The following ALKBH1 variants were observed in gnomAD, a reference collection of about 807,000 sequenced individuals.
ALKBH1 encodes the protein alkB homolog 1, histone H2A dioxygenase.
In ALKBH1, 31 loss-of-function variants were observed where a neutral mutation model predicts 36.6. The ratio of observed to expected loss-of-function variants is 0.85; its 90% CI spans 0.64 to 1.14. ALKBH1 has a LOEUF of 1.14. Ranked by LOEUF, ALKBH1 falls within the 50% of genes most tolerant of loss-of-function variation. The probability of loss-of-function intolerance (pLI) is 0.00; values close to 1 mark genes in which losing one functional copy is unlikely to be tolerated. For synonymous variants in ALKBH1, 183 were observed against 186.6 expected (o/e 0.98, Z 0.16); for missense variants, 490 against 497.3 (o/e 0.99, Z 0.14).
intron 3 of ALKBH1, among the ~76,000 whole-genome samples, chr14:77,691,002 T>G (rs976973626): frequency 6.6e-6 from 1 of 152,188 alleles, no homozygotes; most frequent in Non-Finnish European, 1.5e-5. Flanking sequence ...GGTTTCACCA[T>G]GTTGGTCAGG....
intron 5 of ALKBH1, 128 bp from the exon 6 acceptor site, chr14:77,674,369 C>T: frequency 9.0e-7 from 1 of 1,111,550 alleles, no homozygotes; most frequent in Non-Finnish European, 1.2e-6. Flanking sequence ...GCTCCCAAAT[C>T]CTCCTTTTTA....
chr14:77,678,009 C>T (rs1334775507), intron 4 of ALKBH1, among the ~76,000 whole-genome samples: 1 of 149,242 alleles, frequency 6.7e-6, no homozygotes, highest in Non-Finnish European at 1.5e-5. Flanking sequence ...GTCATTTTTA[C>T]TCCCTATTTT....
Position 77,687,528 on chromosome 14 carries a change from T to C in ALKBH1, c.455+7210A>G, listed in dbSNP as rs1400689732. Among the ~76,000 whole-genome samples, 3 of 152,054 alleles carry C rather than the reference T, an allele frequency of 2.0e-5. No homozygotes were observed. The East Asian group carries it at 5.8e-4, about 29-fold the overall frequency. On this transcript the variant is annotated intron_variant, in intron 3 of 5. Coordinates refer to ENST00000216489, the MANE Select transcript of ALKBH1 (RefSeq NM_006020.3). Reference sequence around the variant, plus strand: ...TCTTTCCTTCCCTTTATAATTAAACTTTTAAAAAATTCAGCATTTGCCTTC... The same window carrying C: ...TCTTTCCTTCCCTTTATAATTAAACCTTTAAAAAATTCAGCATTTGCCTTC...
chr14:77,679,739 A>AT (rs1049301762), intron 4 of ALKBH1, 141 bp downstream of exon 4: 4 of 665,398 alleles, frequency 6.0e-6, no homozygotes, highest in Middle Eastern at 3.8e-4. Context: ...CCCAGTTGAG[A>AT]TTTTTTAAGG....
chr14:77,693,840 G>A (rs2080311934), intron 3 of ALKBH1, among the ~76,000 whole-genome samples: 1 of 151,888 alleles, frequency 6.6e-6, no homozygotes, highest in Non-Finnish European at 1.5e-5. Context: ...TACAAAAATT[G>A]GTGGGGCGTG....
intron 4 of ALKBH1, among the ~76,000 whole-genome samples, chr14:77,678,662 CT>C (rs1168462465): frequency 6.6e-6 from 1 of 151,566 alleles, no homozygotes; most frequent in Non-Finnish European, 1.5e-5. Context: ...TGGCAAATGT[CT>C]AATTGAGACA....
At chr14:77,684,265 A>G (rs990384775) in intron 3 of ALKBH1, among the ~76,000 whole-genome samples, 11 of 152,250 alleles carry the variant, frequency 7.2e-5, no homozygotes, top group African/African-American at 2.7e-4. Flanking sequence ...CTGCTGGTCC[A>G]GGAATTACAC....
chr14:77,689,262 C>T (rs8015645), intron 3 of ALKBH1, among the ~76,000 whole-genome samples: 71,403 of 151,964 alleles, frequency 0.47, 17,016 homozygotes, highest in African/African-American at 0.5. Flanking sequence ...TATCGTGCCC[C>T]CAAAGCACCT....
At position 77,694,753 on chromosome 14, in the gene ALKBH1, C is replaced by G; in HGVS notation, c.440G>C (p.Ser147Thr). Residue 147 changes from serine to threonine, a missense_variant, in exon 3 of 6, where the codon AGC (serine) becomes ACC (threonine). Physicochemically the swap from Ser to Thr is moderately conservative, Grantham distance 58. Coordinates refer to ENST00000216489, the MANE Select transcript of ALKBH1 (RefSeq NM_006020.3). ...KEETQDLWEQSKEFLRYKEAT... is the reference protein window; with the variant it reads ...KEETQDLWEQTKEFLRYKEAT... Reference sequence around the variant, plus strand: ...CAAGACTTACCTCAGGAACTCTTTGCTCTGTTCCCACAGATCTTGGGTCTC... The same window carrying G: ...CAAGACTTACCTCAGGAACTCTTTGGTCTGTTCCCACAGATCTTGGGTCTC... 1.3e-6 allele frequency: 2 copies of G among 1,594,838 alleles called. No individual in the cohort carries two copies. The highest frequency in any genetic ancestry group is 1.7e-6 in the Non-Finnish European group (2 of 1,172,358).
intron 4 of ALKBH1, among the ~76,000 whole-genome samples, chr14:77,677,567 A>G (rs1209374700): frequency 6.6e-6 from 1 of 152,146 alleles, no homozygotes; most frequent in African/African-American, 2.4e-5. Flanking sequence ...TATCTCTACT[A>G]GCGTCTGAAT....
intron 1 of ALKBH1, among the ~76,000 whole-genome samples, chr14:77,706,104 C>CATATATATAT (rs72210300): frequency 2.0e-5 from 3 of 147,526 alleles, no homozygotes; most frequent in South Asian, 2.1e-4. Context: ...TATACACACA[C>CATATATATAT]ACATATATAT....
intron 4 of ALKBH1, 144 bp from the exon 5 acceptor site, chr14:77,675,993 C>CT (rs2080203487): frequency 2.9e-6 from 2 of 685,078 alleles, no homozygotes; most frequent in Non-Finnish European, 4.6e-6. Flanking sequence ...CCATTCTTTT[C>CT]TTTTCTTTTT....
chr14:77,689,270 C>T (rs1163984954), intron 3 of ALKBH1, among the ~76,000 whole-genome samples: 1 of 152,176 alleles, frequency 6.6e-6, no homozygotes, highest in East Asian at 1.9e-4. Flanking sequence ...CCCCAAAGCA[C>T]CTTGCAACTT....
At chr14:77,675,555 CT>C (rs1310940084) in intron 5 of ALKBH1, 100 bp downstream of exon 5, 7 of 1,102,908 alleles carry the variant, frequency 6.3e-6, no homozygotes, top group East Asian at 2.6e-5. Flanking sequence ...AGTCCAACCA[CT>C]TTTTTAAAGT....
At chr14:77,683,416 C>T in intron 3 of ALKBH1, 1 of 775,594 alleles carries the variant, frequency 1.3e-6, no homozygotes, top group African/African-American at 1.7e-5. Flanking sequence ...CACATTAATT[C>T]TCTTGGCAAG....
chr14:77,694,269 T>C (rs1291559142), intron 3 of ALKBH1, among the ~76,000 whole-genome samples: 1 of 152,200 alleles, frequency 6.6e-6, no homozygotes, highest in African/African-American at 2.4e-5. Flanking sequence ...AATGAATGAA[T>C]GAATGTTGAA....
chr14:77,687,378 G>T (rs1001147660), intron 3 of ALKBH1, among the ~76,000 whole-genome samples: 2 of 152,116 alleles, frequency 1.3e-5, no homozygotes, highest in African/African-American at 4.8e-5. Context: ...TTCTGAACTT[G>T]TTTTTTCCTC....
rs775236107 is a variant in ALKBH1 at position 77,674,071 on chromosome 14, C to A, written c.911G>T (p.Cys304Phe). The A allele has an allele frequency of 6.2e-6, 10 of 1,613,972 alleles. No homozygotes were observed. The highest frequency in any genetic ancestry group is 3.3e-5 in the Admixed American group (2 of 59,998). Residue 304 changes from cysteine (C) to phenylalanine (F), a missense_variant, in exon 6 of 6, where the codon TGC (cysteine) becomes TTC (phenylalanine). By Grantham distance (205) the Cys-to-Phe change is radical. Coordinates refer to ENST00000216489, the MANE Select transcript of ALKBH1 (RefSeq NM_006020.3). ...GACAGCAGGGAGAGGTGCCTCTAGG[C>A]AGTGAGGCAGGCCTTCCCCTTCTGG... is the stretch of plus-strand genomic sequence containing the variant. ...PNPEGEGLPH[C>F]LEAPLPAVLP...
intron 2 of ALKBH1, among the ~76,000 whole-genome samples, chr14:77,703,839 C>G (rs2080373629): frequency 6.6e-6 from 1 of 152,070 alleles, no homozygotes; most frequent in African/African-American, 2.4e-5. Context: ...CTCAGGTGAT[C>G]CACCCACCTT....
Sources: allele counts gnomAD v4.1 joint callset (sites outside exome capture counted in the v4.1 genomes callset), GRCh38; gene constraint gnomAD v4.1.1; transcripts MANE v1.5; gene names NCBI Gene and HGNC (gene_info 2026-07-23, HGNC 2026-07-21).